The following ARFGEF3 variants were observed in gnomAD, a reference collection of about 807,000 sequenced individuals.
The protein encoded by ARFGEF3 is brefeldin A-inhibited guanine nucleotide-exchange protein 3.
Under a neutral mutation model 221.7 loss-of-function variants are expected in ARFGEF3, and 96 were observed. The ratio of observed to expected loss-of-function variants is 0.43; its 90% CI spans 0.37 to 0.51. The LOEUF is 0.51. ARFGEF3 is among the 20% of genes least tolerant of loss of function. ARFGEF3 has a pLI of 0.00. For missense variants in ARFGEF3, 2,410 were observed against 2,789.9 expected (o/e 0.86, Z 3.07); for synonymous variants, 1,145 against 1,126.8 (o/e 1.02, Z -0.32).
chr6:138,278,628 C>T lies in ARFGEF3; in HGVS notation c.2295+11C>T, dbSNP rs748089876. On this transcript the variant is annotated intron_variant, in intron 13 of 33. Coordinates refer to ENST00000251691, the MANE Select transcript of ARFGEF3 (RefSeq NM_020340.5). ...GCGCCAGGCGTGATGGTGAGTGTGC[C>T]GTCCCTCATTGGACTGGCAGAGGGC... is the stretch of plus-strand genomic sequence containing the variant. 15 of 1,612,990 alleles carry T rather than the reference C, an allele frequency of 9.3e-6. No individual in the cohort carries two copies. In the East Asian group the frequency reaches 1.3e-4, roughly 14 times the overall value.
intron 29 of ARFGEF3, among the ~76,000 whole-genome samples, chr6:138,321,950 G>A (rs557839049): frequency 6.6e-6 from 1 of 152,200 alleles, no homozygotes; most frequent in Admixed American, 6.5e-5. Context: ...GCAAGGAGGA[G>A]CAAGTCACAT....
intron 4 of ARFGEF3, among the ~76,000 whole-genome samples, chr6:138,212,298 C>A (rs1272296320): frequency 6.6e-6 from 1 of 152,202 alleles, no homozygotes; most frequent in Non-Finnish European, 1.5e-5. Context: ...GAGGCCAAGG[C>A]AGGGGGATGG....
rs145000040 is a variant in ARFGEF3, at chr6:138,211,172, A to G, written c.351+1131A>G. 2.0e-5 allele frequency among the ~76,000 whole-genome samples: 3 copies of G among 152,356 alleles called. No homozygotes were observed. The East Asian group carries it at 5.8e-4, about 29-fold the overall frequency. On this transcript the variant is annotated intron_variant, in intron 4 of 33. Transcript: ENST00000251691. The stretch of plus-strand genomic sequence containing the variant: ...ATAAGGTGACATTTGTAAAGAACAT[A>G]GCACAGTATCTGGCACAAAGCTAGT...
At chr6:138,308,017 G>C (rs1779757985) in intron 23 of ARFGEF3, among the ~76,000 whole-genome samples, 1 of 152,216 alleles carries the variant, frequency 6.6e-6, no homozygotes, top group Non-Finnish European at 1.5e-5. Context: ...CCTCCCAGGA[G>C]GGATCACACA....
At chr6:138,254,742 A>G (rs1407955994) in intron 9 of ARFGEF3, among the ~76,000 whole-genome samples, 1 of 152,222 alleles carries the variant, frequency 6.6e-6, no homozygotes, top group Non-Finnish European at 1.5e-5. Flanking sequence ...AATAAAGCAG[A>G]TAAATTGCTT....
At chr6:138,206,945 T>C in intron 2 of ARFGEF3, 97 bp from the exon 3 acceptor site, 3 of 813,776 alleles carry the variant, frequency 3.7e-6, no homozygotes, top group Non-Finnish European at 6.2e-6. Flanking sequence ...TGTGTATGTG[T>C]GTAGTGGCAT....
chr6:138,191,791 G>T (rs916298093), intron 2 of ARFGEF3, among the ~76,000 whole-genome samples: 1 of 152,112 alleles, frequency 6.6e-6, no homozygotes, highest in Non-Finnish European at 1.5e-5. Flanking sequence ...TCGTTTGCAT[G>T]CTGTCTGTAG....
At chr6:138,172,717 G>T (rs1465665416) in intron 2 of ARFGEF3, among the ~76,000 whole-genome samples, 1 of 152,088 alleles carries the variant, frequency 6.6e-6, no homozygotes, top group African/African-American at 2.4e-5. Flanking sequence ...AATTGATATG[G>T]AATTGGTGCT....
chr6:138,319,294 T>A lies in ARFGEF3; in HGVS notation c.4475-409T>A, dbSNP rs530204583. Among the ~76,000 whole-genome samples, 551 of 147,820 alleles carry A rather than the reference T, an allele frequency of 3.7e-3. 1 individual carries two copies. The highest frequency in any genetic ancestry group is 0.013 in the African/African-American group (525 of 40,146). On this transcript the variant is annotated intron_variant, in intron 27 of 33. Coordinates refer to ENST00000251691, the MANE Select transcript of ARFGEF3 (RefSeq NM_020340.5). ...TTGTTAAGTTAAAAAAAAAAAAAAA[T>A]GAGTATGCAGACCGAAGTTTACATT...
chr6:138,177,646 T>C (rs1290969531), intron 2 of ARFGEF3, among the ~76,000 whole-genome samples: 1 of 152,160 alleles, frequency 6.6e-6, no homozygotes, highest in East Asian at 1.9e-4. Flanking sequence ...GTCCCAAATA[T>C]CTCAAAGGCT....
chr6:138,179,389 G>T (rs999466991), intron 2 of ARFGEF3, among the ~76,000 whole-genome samples: 5 of 152,156 alleles, frequency 3.3e-5, no homozygotes, highest in African/African-American at 1.2e-4. Context: ...CCTGCTCCAT[G>T]ATTTTTCAGA....
At chr6:138,208,651 G>A (rs914872845) in intron 3 of ARFGEF3, among the ~76,000 whole-genome samples, 1 of 152,186 alleles carries the variant, frequency 6.6e-6, no homozygotes, top group Non-Finnish European at 1.5e-5. Context: ...TAGCTTAATT[G>A]CAGTCCTTGT....
chr6:138,168,960 G>A (rs904885926), intron 1 of ARFGEF3, among the ~76,000 whole-genome samples: 1 of 152,208 alleles, frequency 6.6e-6, no homozygotes. Flanking sequence ...TGTTTAGTGA[G>A]AGATCAAAGA....
At position 138,324,256 on chromosome 6, in the gene ARFGEF3, C is replaced by T. The variant is rs562691117; in HGVS notation, c.5001+102C>T. 7.9e-6 allele frequency: 11 copies of T among 1,388,044 alleles called. No individual in the cohort carries two copies. The South Asian group carries it at 1.1e-4, about 14-fold the overall frequency. The allele number at this position is 1,388,044 out of a possible 1,614,324, so 86.0% of individuals were successfully genotyped here. On this transcript the variant is annotated intron_variant, in intron 31 of 33. Coordinates refer to ENST00000251691, the MANE Select transcript of ARFGEF3 (RefSeq NM_020340.5). ...GCATCACCAAATTGCCTTTCATTCC[C>T]TGAGGGACATACACCTTGTAGCTCC... is the stretch of plus-strand genomic sequence containing the variant.
rs17067425 is a variant in ARFGEF3 at position 138,323,689 on chromosome 6, G to T, written c.4785G>T (p.Ala1595=). Residue 1595 remains alanine (A), a synonymous_variant, in exon 30 of 34, where the codon GCG becomes GCT. Transcript: ENST00000251691. ...CSCIRYVLVT[A]GPVFTEEMWR... is the part of the protein sequence containing the mutation. ...TTGGCAGATACGTCCTTGTGACAGC[G>T]GGCCCTGTGTTCACTGAGGAGATGT... The T allele has an allele frequency of 6.2e-7, 1 of 1,613,726 alleles. No homozygotes were observed. Among genetic ancestry groups the T allele is most frequent in the South Asian group, 1.1e-5 (1 of 91,064 alleles).
At chr6:138,211,124 A>G (rs558286009) in intron 4 of ARFGEF3, among the ~76,000 whole-genome samples, 2 of 152,320 alleles carry the variant, frequency 1.3e-5, no homozygotes, top group East Asian at 3.9e-4. Context: ...GGACCCACCC[A>G]ATAGGATTGT....
intron 8 of ARFGEF3, among the ~76,000 whole-genome samples, chr6:138,247,953 G>C (rs1410915087): frequency 1.3e-5 from 2 of 152,184 alleles, no homozygotes; most frequent in African/African-American, 2.4e-5. Context: ...ACAGTAAAAG[G>C]GTGTTAGGAA....
intron 4 of ARFGEF3, among the ~76,000 whole-genome samples, chr6:138,221,243 T>C (rs1018747348): frequency 4.6e-5 from 7 of 152,212 alleles, no homozygotes; most frequent in Admixed American, 2.6e-4. Context: ...TTTGTTTGCT[T>C]GCTGATGTCC....
chr6:138,206,717 T>A (rs561225674), intron 2 of ARFGEF3, among the ~76,000 whole-genome samples: 3 of 152,180 alleles, frequency 2.0e-5, no homozygotes, highest in Non-Finnish European at 2.9e-5. Context: ...TGAGCAGTGC[T>A]GTTAATTTGG....
Sources: gnomAD v4.1 joint callset for allele counts (sites outside exome capture counted in the v4.1 genomes callset) on GRCh38, gnomAD v4.1.1 for gene constraint, MANE v1.5 for transcripts, NCBI Gene and HGNC (gene_info 2026-07-23, HGNC 2026-07-21) for gene names.